The following TENT4B variants were observed in gnomAD, a reference collection of about 807,000 sequenced individuals.
TENT4B encodes the protein PAP associated domain containing 5.
Under a neutral mutation model 75.0 loss-of-function variants are expected in TENT4B, and 10 were observed. The ratio of observed to expected loss-of-function variants is 0.13; its 90% CI spans 0.08 to 0.23. The LOEUF (loss-of-function observed/expected upper bound fraction) is 0.23. Among genes scored for constraint, TENT4B ranks in the 10% least tolerant of loss-of-function variants. The pLI, the probability that TENT4B is intolerant of heterozygous loss-of-function variation, is 1.00. For synonymous variants in TENT4B, 350 were observed against 357.7 expected (o/e 0.98, Z 0.24); for missense variants, 579 against 893.8 (o/e 0.65, Z 4.49).
intron 1 of TENT4B, among the ~76,000 whole-genome samples, chr16:50,179,071 A>G (rs1161990139): frequency 1.3e-5 from 2 of 152,198 alleles, no homozygotes; most frequent in Non-Finnish European, 2.9e-5. Context: ...TTAAAAATTT[A>G]CTTTATTCCA....
chr16:50,218,049 G>A (rs1404668166), intron 5 of TENT4B, among the ~76,000 whole-genome samples: 2 of 151,620 alleles, frequency 1.3e-5, no homozygotes. Flanking sequence ...GAGCCACCAT[G>A]CTCAGCCTGC....
At chr16:50,220,695 AT>A (rs2031787283) in intron 5 of TENT4B, among the ~76,000 whole-genome samples, 1 of 151,794 alleles carries the variant, frequency 6.6e-6, no homozygotes, top group Non-Finnish European at 1.5e-5. Context: ...CGCTGGGCTA[AT>A]TTTTGTATTT....
chr16:50,172,526 G>A (rs1287781840), intron 1 of TENT4B, among the ~76,000 whole-genome samples: 1 of 116,886 alleles, frequency 8.6e-6, no homozygotes, highest in Non-Finnish European at 1.9e-5. Context: ...TTTTTTTTTA[G>A]CAGTTTTAGG....
chr16:50,188,705 A>G (rs187950335), intron 1 of TENT4B, among the ~76,000 whole-genome samples: 9 of 152,310 alleles, frequency 5.9e-5, no homozygotes, highest in Admixed American at 5.2e-4. Context: ...GTTTTAAACA[A>G]CTTGGGTACT....
At chr16:50,226,143 G>A (rs1259259418) in intron 10 of TENT4B, among the ~76,000 whole-genome samples, 2 of 151,788 alleles carry the variant, frequency 1.3e-5, no homozygotes, top group Non-Finnish European at 2.9e-5. Context: ...AGGATTACAG[G>A]CATGTGCCAC....
At chr16:50,197,996 A>G (rs1186255232) in intron 1 of TENT4B, among the ~76,000 whole-genome samples, 1 of 152,098 alleles carries the variant, frequency 6.6e-6, no homozygotes, top group Non-Finnish European at 1.5e-5. Flanking sequence ...GCCTGCCCTC[A>G]CCATGTTATT....
intron 1 of TENT4B, among the ~76,000 whole-genome samples, chr16:50,181,843 G>A (rs2038422179): frequency 6.6e-6 from 1 of 152,166 alleles, no homozygotes; most frequent in Non-Finnish European, 1.5e-5. Flanking sequence ...GGGTACTCAG[G>A]AGAATTATGC....
chr16:50,185,556 T>C (rs991652415), intron 1 of TENT4B, among the ~76,000 whole-genome samples: 20 of 152,196 alleles, frequency 1.3e-4, no homozygotes, highest in Non-Finnish European at 2.8e-4. Flanking sequence ...TGAGGGAAGT[T>C]TTAATTTACA....
chr16:50,234,505 C>G lies in TENT4B; in HGVS notation c.*5177C>G. The G allele has an allele frequency of 1.0e-6, 1 of 984,362 alleles. No homozygotes were observed. The highest frequency in any genetic ancestry group is 4.7e-5 in the South Asian group (1 of 21,252). 61.0% of individuals were successfully genotyped at this position (984,362 alleles called of 1,614,324 possible). A position where few individuals can be genotyped will look rare whatever the true frequency, so the allele number is the denominator to read the frequency against. On this transcript the variant is annotated 3_prime_UTR_variant, in exon 12 of 12. Coordinates refer to ENST00000561678, the MANE Select transcript of TENT4B (RefSeq NM_001365324.3). ...GTTCTGTGCTATTCATAGTTCTTCC[C>G]TAAGACCATTTCATTATTACCTTTT...
At chr16:50,177,042 G>A (rs1329704367) in intron 1 of TENT4B, among the ~76,000 whole-genome samples, 5 of 150,312 alleles carry the variant, frequency 3.3e-5, no homozygotes, top group African/African-American at 7.4e-5. Context: ...TTGCTCTGTC[G>A]CCTAGGCTGG....
chr16:50,220,047 G>A (rs930697788), intron 5 of TENT4B, among the ~76,000 whole-genome samples: 2 of 151,450 alleles, frequency 1.3e-5, no homozygotes, highest in East Asian at 3.9e-4. Context: ...GGAGTGCAGT[G>A]GCGCGATCTT....
intron 1 of TENT4B, among the ~76,000 whole-genome samples, chr16:50,182,521 T>C (rs1353484634): frequency 6.6e-6 from 1 of 152,200 alleles, no homozygotes; most frequent in African/African-American, 2.4e-5. Flanking sequence ...AAAAATAATT[T>C]TTGTCAACAT....
chr16:50,214,205 T>A lies in TENT4B; in HGVS notation c.763-16T>A. On this transcript the variant is annotated splice_polypyrimidine_tract_variant and intron_variant, in intron 2 of 11. Transcript: ENST00000561678. Reference sequence around the variant, plus strand: ...CTGATAACTCAATATAATAACAACTTCTTTTTCTGTTTCAGGTCCAGATAT... The same window carrying A: ...CTGATAACTCAATATAATAACAACTACTTTTTCTGTTTCAGGTCCAGATAT... 1 of 1,553,858 alleles carries A rather than the reference T, an allele frequency of 6.4e-7. No homozygotes were observed. Among genetic ancestry groups the A allele is most frequent in the Non-Finnish European group, 8.8e-7 (1 of 1,132,328 alleles).
At chr16:50,203,421 G>A (rs1179797234) in intron 1 of TENT4B, among the ~76,000 whole-genome samples, 2 of 152,176 alleles carry the variant, frequency 1.3e-5, no homozygotes, top group Non-Finnish European at 2.9e-5. Flanking sequence ...TATCAGTACT[G>A]TAGAAGGTAG....
intron 1 of TENT4B, among the ~76,000 whole-genome samples, chr16:50,164,454 G>A (rs1467879984): frequency 3.3e-5 from 5 of 151,866 alleles, no homozygotes; most frequent in East Asian, 2.0e-4. Flanking sequence ...GATTACAGGC[G>A]CCCACCACCA....
rs2032395048 is a variant in TENT4B at position 50,234,712 on chromosome 16, C to T, written c.*5384C>T. ...GTTTGTTAGACGTGTCAAGAGTCTC[C>T]AGTCTTTACTACTAAAAAGCAGCAC... is the stretch of plus-strand genomic sequence containing the variant. On this transcript the variant is annotated 3_prime_UTR_variant, in exon 12 of 12. Coordinates refer to ENST00000561678, the MANE Select transcript of TENT4B (RefSeq NM_001365324.3). 1.0e-6 allele frequency: 1 copy of T among 985,374 alleles called. No individual in the cohort carries two copies. Among genetic ancestry groups the T allele is most frequent in the South Asian group, 4.7e-5 (1 of 21,286 alleles). 61.0% of individuals were successfully genotyped at this position (985,374 alleles called of 1,614,324 possible).
intron 1 of TENT4B, among the ~76,000 whole-genome samples, chr16:50,177,713 T>C (rs1706369209): frequency 6.6e-6 from 1 of 152,138 alleles, no homozygotes; most frequent in African/African-American, 2.4e-5. Context: ...TCTATTAATT[T>C]TGTTTTCAAT....
At chr16:50,220,237 CT>C (rs956296115) in intron 5 of TENT4B, among the ~76,000 whole-genome samples, 8 of 152,134 alleles carry the variant, frequency 5.3e-5, no homozygotes, top group Admixed American at 3.9e-4. Context: ...ATCCGCCCTC[CT>C]CAGCCTCCCG....
In TENT4B at chr16:50,153,798, C is replaced by T. The variant is rs1303387292; in HGVS notation, c.177C>T (p.Thr59=). The T allele has an allele frequency of 4.2e-6, 5 of 1,201,378 alleles. No individual in the cohort carries two copies. The highest frequency in any genetic ancestry group is 5.2e-6 in the Non-Finnish European group (5 of 970,342). The allele number at this position is 1,201,378 out of a possible 1,614,324, so 74.4% of individuals were successfully genotyped here. The stretch of plus-strand genomic sequence containing the variant: ...GCAGCAGCAGCAGCAGCACGGCCAC[C>T]GGCGGGAGCGGCAGCAGCACCGGCA... ...GGSSSSSSTA[T]GGSGSSTGSP... Residue 59 remains threonine, a synonymous_variant, in exon 1 of 12, where the codon ACC becomes ACT. Transcript: ENST00000561678.
Sources: allele counts gnomAD v4.1 joint callset (sites outside exome capture counted in the v4.1 genomes callset), GRCh38; gene constraint gnomAD v4.1.1; transcripts MANE v1.5; gene names NCBI Gene and HGNC (gene_info 2026-07-23, HGNC 2026-07-21).